Variants in TTC28 observed in about 807,000 individuals in gnomAD.
TTC28 encodes tetratricopeptide repeat protein 28.
TTC28 carries 61 observed loss-of-function variants against 198.0 expected under a neutral mutation model. The ratio of observed to expected loss-of-function variants is 0.31; its 90% CI spans 0.25 to 0.38. TTC28 has a LOEUF of 0.38. TTC28 is among the 10% of genes least tolerant of loss of function. The pLI is 1.00. For missense variants in TTC28, 2,678 were observed against 3,164.0 expected (o/e 0.85, Z 3.69); for synonymous variants, 1,171 against 1,297.8 (o/e 0.90, Z 2.10).
rs1444761302 is a variant in TTC28 at position 28,297,894 on chromosome 22, T to A, written c.530-42A>T. On this transcript the variant is annotated intron_variant, in intron 3 of 22. Transcript: ENST00000397906. Reference sequence around the variant, plus strand: ...ATAACAGCAACATAACAGGAGAATGTAGGATGATACAAAAACAATCTTTTC... The same window carrying A: ...ATAACAGCAACATAACAGGAGAATGAAGGATGATACAAAAACAATCTTTTC... 3.9e-6 allele frequency: 6 copies of A among 1,535,188 alleles called. No homozygotes were observed. In the Admixed American group the frequency reaches 1.0e-4, roughly 26 times the overall value.
chr22:28,063,767 T>A (rs759092678), intron 12 of TTC28, among the ~76,000 whole-genome samples: 9 of 152,074 alleles, frequency 5.9e-5, no homozygotes, highest in Non-Finnish European at 1.3e-4. Context: ...TTCTACCACA[T>A]GTCTCTGTAG....
intron 2 of TTC28, among the ~76,000 whole-genome samples, chr22:28,568,642 A>G (rs2050016369): frequency 6.6e-6 from 1 of 152,250 alleles, no homozygotes; most frequent in Non-Finnish European, 1.5e-5. Flanking sequence ...AATACAGCTA[A>G]CCAGGGAGGC....
chr22:28,420,823 A>G (rs954643762), intron 2 of TTC28, among the ~76,000 whole-genome samples: 3 of 151,884 alleles, frequency 2.0e-5, no homozygotes, highest in South Asian at 4.1e-4. Flanking sequence ...CTGGTCTCGA[A>G]CTCCTGACCT....
At position 28,646,255 on chromosome 22, in the gene TTC28, C is replaced by A. The variant is rs116129954; in HGVS notation, c.103-16425G>T. On this transcript the variant is annotated intron_variant, in intron 1 of 22. Coordinates refer to ENST00000397906, the MANE Select transcript of TTC28 (RefSeq NM_001145418.2). ...CACAGATCAGTGGCACTGCTATGCA[C>A]TGGCAACAATCAAGCTGGGAATCAA... Among the ~76,000 whole-genome samples the A allele has an allele frequency of 9.4e-4, 143 of 152,310 alleles. 1 individual carries two copies. The highest frequency in any genetic ancestry group is 2.3e-3 in the African/African-American group (97 of 41,566).
intron 1 of TTC28, among the ~76,000 whole-genome samples, chr22:28,678,924 G>C (rs752954201): frequency 1.3e-5 from 2 of 152,278 alleles, no homozygotes; most frequent in South Asian, 4.1e-4. Flanking sequence ...GCCACAGTCC[G>C]TGGCATTTTG....
intron 1 of TTC28, among the ~76,000 whole-genome samples, chr22:28,648,155 C>T (rs1156236878): frequency 1.4e-5 from 2 of 144,366 alleles, no homozygotes; most frequent in Non-Finnish European, 3.0e-5. Flanking sequence ...ACCCAGGAGG[C>T]GGAGCTTGCA....
chr22:28,321,511 T>C (rs566176337), intron 2 of TTC28, among the ~76,000 whole-genome samples: 1 of 152,124 alleles, frequency 6.6e-6, no homozygotes, highest in Non-Finnish European at 1.5e-5. Context: ...GTGTGGAAAG[T>C]GGAGAGAGAA....
At chr22:28,060,566 T>C (rs1940483929) in intron 12 of TTC28, among the ~76,000 whole-genome samples, 1 of 152,228 alleles carries the variant, frequency 6.6e-6, no homozygotes, top group South Asian at 2.1e-4. Flanking sequence ...TACGTATGCA[T>C]GTGTCTTTAT....
At chr22:28,326,975 A>AACACACACAC (rs57349023) in intron 2 of TTC28, among the ~76,000 whole-genome samples, 22 of 142,930 alleles carry the variant, frequency 1.5e-4, no homozygotes, top group Middle Eastern at 3.5e-3. Flanking sequence ...CACAAACACA[A>AACACACACAC]ACACACACAC....
At chr22:27,984,629 G>A (rs1937149388) in intron 22 of TTC28, among the ~76,000 whole-genome samples, 1 of 152,154 alleles carries the variant, frequency 6.6e-6, no homozygotes, top group Non-Finnish European at 1.5e-5. Context: ...ATGCCTAATG[G>A]ATATCCCCAA....
Position 28,648,658 on chromosome 22 carries a change from C to T in TTC28, c.103-18828G>A, listed in dbSNP as rs139607207. On this transcript the variant is annotated intron_variant, in intron 1 of 22. Coordinates refer to ENST00000397906, the MANE Select transcript of TTC28 (RefSeq NM_001145418.2). The stretch of plus-strand genomic sequence containing the variant: ...GCACAGTGGCTCATGCCTGTAATTC[C>T]AGCACTTTGGAAGGCCAAGGTGGGT... Among the ~76,000 whole-genome samples, 1,319 of 152,330 alleles carry T rather than the reference C, an allele frequency of 8.7e-3. 19 individuals are homozygous for T. Among genetic ancestry groups the T allele is most frequent in the African/African-American group, 0.03 (1,259 of 41,588 alleles).
At chr22:28,468,690 A>ATTTTTTTTTTTTTT (rs35984422) in intron 2 of TTC28, among the ~76,000 whole-genome samples, 4 of 122,294 alleles carry the variant, frequency 3.3e-5, no homozygotes, top group Non-Finnish European at 6.7e-5. Flanking sequence ...CGCCCGGCTA[A>ATTTTTTTTTTTTTT]TTTTTTTTTT....
chr22:28,568,444 T>C (rs1347244100), intron 2 of TTC28, among the ~76,000 whole-genome samples: 1 of 152,166 alleles, frequency 6.6e-6, no homozygotes, highest in African/African-American at 2.4e-5. Flanking sequence ...GATGATATGA[T>C]GCTATACCCA....
chr22:28,180,649 C>T (rs1237047506), intron 5 of TTC28, among the ~76,000 whole-genome samples: 1 of 152,094 alleles, frequency 6.6e-6, no homozygotes, highest in Non-Finnish European at 1.5e-5. Flanking sequence ...TTAGGATTTG[C>T]TCCCACCGAT....
In TTC28 at chr22:28,005,439, A is replaced by G. The variant is rs5762446; in HGVS notation, c.4219-3886T>C. Reference sequence around the variant, plus strand: ...AGCTGTTGTCAGTTTACTGCCTCTCAGGTCCTGAAGCCCTTGTCACTATCC... The same window carrying G: ...AGCTGTTGTCAGTTTACTGCCTCTCGGGTCCTGAAGCCCTTGTCACTATCC... On this transcript the variant is annotated intron_variant, in intron 14 of 22. Transcript: ENST00000397906. This position sits in a 1 kb window ranked among gnomAD's most constrained non-coding sequence, Gnocchi z 4.9. Among the ~76,000 whole-genome samples, 8,776 of 152,264 alleles carry G rather than the reference A, an allele frequency of 0.058. 339 individuals are homozygous for G. The highest frequency in any genetic ancestry group is 0.15 in the South Asian group (708 of 4,828).
chr22:28,032,182 ATATAT>A (rs1201660548), intron 12 of TTC28, among the ~76,000 whole-genome samples: 2 of 74,962 alleles, frequency 2.7e-5, no homozygotes, highest in Non-Finnish European at 4.8e-5. Context: ...ATATATATAT[ATATAT>A]AAAATATATA....
At chr22:28,678,128 G>A (rs148910858) in intron 1 of TTC28, among the ~76,000 whole-genome samples, 19 of 152,270 alleles carry the variant, frequency 1.2e-4, no homozygotes, top group African/African-American at 4.6e-4. Flanking sequence ...CCCAAATGAT[G>A]AAGAGAAAGA....
At chr22:28,051,329 T>G (rs1472409181) in intron 12 of TTC28, among the ~76,000 whole-genome samples, 1 of 152,206 alleles carries the variant, frequency 6.6e-6, no homozygotes, top group Non-Finnish European at 1.5e-5. Flanking sequence ...GAACTTTGGG[T>G]GAAAATAGTT....
At position 28,163,175 on chromosome 22, in the gene TTC28, G is replaced by C; in HGVS notation, c.1358C>G (p.Ala453Gly). Reference protein sequence around the residue: ...AARCMQDLERAKQYHEQQLGI... With the variant: ...AARCMQDLERGKQYHEQQLGI... ...CAGCTGCTGCTCATGGTATTGTTTA[G>C]CTCTCTCCAAATCCTGCATGCACCT... The change falls in exon 6 of 23, where the codon GCT becomes GGT. Residue 453 changes from alanine (A) to glycine (G), a missense_variant. By Grantham distance (60) the Ala-to-Gly change is moderately conservative. Coordinates refer to ENST00000397906, the MANE Select transcript of TTC28 (RefSeq NM_001145418.2). The C allele has an allele frequency of 6.4e-7, 1 of 1,551,674 alleles. No individual in the cohort carries two copies. The highest frequency in any genetic ancestry group is 8.7e-7 in the Non-Finnish European group (1 of 1,147,004).
Sources: gnomAD v4.1 joint callset for allele counts (sites outside exome capture counted in the v4.1 genomes callset) on GRCh38, gnomAD v4.1.1 for gene constraint, Gnocchi (gnomAD v3.1) non-coding constraint, MANE v1.5 for transcripts, NCBI Gene and HGNC (gene_info 2026-07-23, HGNC 2026-07-21) for gene names.